Variants in PFKFB3 observed in about 807,000 individuals in gnomAD.
The protein encoded by PFKFB3 is 6-phosphofructo-2-kinase/fructose-2,6-biphosphatase 3.
PFKFB3 carries 33 observed loss-of-function variants against 68.0 expected under a neutral mutation model. The observed-to-expected ratio is 0.49, with a 90% CI of 0.37 to 0.65. The LOEUF (loss-of-function observed/expected upper bound fraction) is 0.65, where lower values mean the gene tolerates loss of function less well. PFKFB3 is among the 30% of genes least tolerant of loss of function. The pLI is 0.00. For missense variants in PFKFB3, 586 were observed against 712.2 expected (o/e 0.82, Z 2.02); for synonymous variants, 315 against 288.2 (o/e 1.09, Z -0.94).
chr10:6,146,632 T>C, intron 1 of PFKFB3: 2 of 855,276 alleles, frequency 2.3e-6, no homozygotes, highest in Non-Finnish European at 3.6e-6. Context: ...CGATGTAGGC[T>C]CTGGTTGGGA....
chr10:6,313,333 T>G, the PFKFB3 span, among the ~76,000 whole-genome samples: 26 of 152,358 alleles, frequency 1.7e-4, no homozygotes, highest in Non-Finnish European at 3.7e-4. This position sits in a 1 kb window ranked among gnomAD's most constrained non-coding sequence, Gnocchi z 4.2. Context: ...TGGCTGTTAC[T>G]ATCATTCATT....
At chr10:6,185,470 C>T (rs1037624042) in intron 1 of PFKFB3, among the ~76,000 whole-genome samples, 10 of 152,126 alleles carry the variant, frequency 6.6e-5, no homozygotes, top group African/African-American at 1.4e-4. Context: ...ACTGCGGGGG[C>T]GAGGAGACGG....
At chr10:6,275,930 C>T in the PFKFB3 span, among the ~76,000 whole-genome samples, 5 of 152,152 alleles carry the variant, frequency 3.3e-5, no homozygotes, top group Admixed American at 6.5e-5. The surrounding 1 kb of genome is among the most constrained non-coding windows in gnomAD (Gnocchi z 4.9). Flanking sequence ...CCCACCCATT[C>T]GGAGACAGGC....
intron 13 of PFKFB3, among the ~76,000 whole-genome samples, chr10:6,224,900 C>T (rs1315456557): frequency 2.6e-5 from 4 of 151,878 alleles, no homozygotes; most frequent in East Asian, 1.9e-4. Flanking sequence ...AGCAGGTCAG[C>T]GCCGCCATGT....
chr10:6,202,974 G>A lies in PFKFB3; in HGVS notation c.-287G>A, dbSNP rs886221622. ...GGCGAGCAGCAGGGCCTGGTGGCGA[G>A]AGCGCGGCTGTCACTGCGCCCGAGC... On this transcript the variant is annotated 5_prime_UTR_variant, in exon 1 of 15. Coordinates refer to ENST00000379775, the MANE Select transcript of PFKFB3 (RefSeq NM_004566.4). 16 of 1,297,890 alleles carry A rather than the reference G, an allele frequency of 1.2e-5. No homozygotes were observed. The African/African-American group carries it at 2.0e-4, about 17-fold the overall frequency. 80.4% of individuals were successfully genotyped at this position (1,297,890 alleles called of 1,614,324 possible). A position where few individuals can be genotyped will look rare whatever the true frequency, so the allele number is the denominator to read the frequency against.
chr10:6,258,279 G>C (rs1846510193), downstream of PFKFB3, among the ~76,000 whole-genome samples: 1 of 152,212 alleles, frequency 6.6e-6, no homozygotes, highest in Non-Finnish European at 1.5e-5. Context: ...CTATAAGAGA[G>C]TTTCAGATTG....
At position 6,203,191 on chromosome 10, in the gene PFKFB3, C is replaced by T; in HGVS notation, c.-70C>T. 2 of 1,566,766 alleles carry T rather than the reference C, an allele frequency of 1.3e-6. No homozygotes were observed. The highest frequency in any genetic ancestry group is 2.4e-5 in the East Asian group (1 of 42,156). Reference sequence around the variant, plus strand: ...CCCTCTCCTCCTTTGTTCCGGGGGTCGGCGGCCGCTCTCCTGCCAGCGTCG... The same window carrying T: ...CCCTCTCCTCCTTTGTTCCGGGGGTTGGCGGCCGCTCTCCTGCCAGCGTCG... On this transcript the variant is annotated 5_prime_UTR_variant, in exon 1 of 15. Coordinates refer to ENST00000379775, the MANE Select transcript of PFKFB3 (RefSeq NM_004566.4).
Position 6,222,964 on chromosome 10 carries a change from A to G in PFKFB3, c.1193A>G (p.Tyr398Cys). ...HQAVLRCLLA[Y>C]FLDKSAEEMP... ...GCCGTCCTGCGCTGCCTGCTTGCCT[A>G]CTTCCTGGATAAGAGTGCAGGTACC... The change falls in exon 11 of 15, where the codon TAC becomes TGC. Residue 398 changes from tyrosine (Y) to cysteine (C), a missense_variant. Transcript: ENST00000379775. 1.2e-6 allele frequency: 2 copies of G among 1,613,472 alleles called. No individual in the cohort carries two copies. Among genetic ancestry groups the G allele is most frequent in the African/African-American group, 1.3e-5 (1 of 74,976 alleles).
chr10:6,229,186 G>T lies in PFKFB3; in HGVS notation c.1515+2821G>T. 2.1e-6 allele frequency: 1 copy of T among 478,742 alleles called. No individual in the cohort carries two copies. Among genetic ancestry groups the T allele is most frequent in the Middle Eastern group, 3.3e-4 (1 of 3,038 alleles). The allele number at this position is 478,742 out of a possible 1,614,324, so 29.7% of individuals were successfully genotyped here. On this transcript the variant is annotated intron_variant, in intron 14 of 14. Transcript: ENST00000379775. The surrounding 1 kb of genome is among the most constrained non-coding windows in gnomAD (Gnocchi z 4.3). ...TGGCTTTGGAAATGGGAGAGGTTTG[G>T]CATGGCGCTCAGATTTTGGTGGCAA...
intron 1 of PFKFB3, among the ~76,000 whole-genome samples, chr10:6,168,249 T>A (rs1361330604): frequency 2.0e-5 from 3 of 152,188 alleles, no homozygotes; most frequent in African/African-American, 7.2e-5. Context: ...TGCTCCCACT[T>A]GCTGAGCGAG....
rs1465406185 is a variant in PFKFB3 at position 6,221,687 on chromosome 10, C to T, written c.1025C>T (p.Pro342Leu). 1.2e-6 allele frequency: 2 copies of T among 1,610,904 alleles called. No homozygotes were observed. The highest frequency in any genetic ancestry group is 8.5e-7 in the Non-Finnish European group (1 of 1,178,996). Residue 342 changes from proline (P) to leucine (L), a missense_variant, in exon 10 of 15, where the codon CCT becomes CTT. By Grantham distance (98) the Pro-to-Leu change is moderately conservative. Transcript: ENST00000379775. Reference sequence around the variant, plus strand: ...TACGAGGAGATCAGGGACACCTACCCTGAGGAGTATGCGCTGCGGGAGCAG... The same window carrying T: ...TACGAGGAGATCAGGGACACCTACCTTGAGGAGTATGCGCTGCGGGAGCAG... The part of the protein sequence containing the change: ...LTYEEIRDTY[P>L]EEYALREQDK...
chr10:6,206,813 GC>G (rs1843767209), intron 1 of PFKFB3, among the ~76,000 whole-genome samples: 1 of 44,198 alleles, frequency 2.3e-5, no homozygotes, highest in Non-Finnish European at 5.1e-5. Flanking sequence ...GGGCGGCCGG[GC>G]AGAGACGCTC....
At chr10:6,303,702 C>T in the PFKFB3 span, among the ~76,000 whole-genome samples, 8 of 148,692 alleles carry the variant, frequency 5.4e-5, no homozygotes, top group East Asian at 2.0e-4. Flanking sequence ...CGGGAGGCTG[C>T]GGCAGGAGAA....
chr10:6,296,648 A>G, the PFKFB3 span, among the ~76,000 whole-genome samples: 2 of 152,226 alleles, frequency 1.3e-5, no homozygotes, highest in African/African-American at 4.8e-5. Flanking sequence ...TTTTTAGACC[A>G]TATAGGGTAA....
intron 1 of PFKFB3, among the ~76,000 whole-genome samples, chr10:6,175,335 G>A (rs1842431748): frequency 6.6e-6 from 1 of 152,146 alleles, no homozygotes; most frequent in Admixed American, 6.5e-5. Flanking sequence ...GCACTTTCAG[G>A]TACACAGAGT....
At chr10:6,157,387 C>T (rs559127997) in intron 1 of PFKFB3, among the ~76,000 whole-genome samples, 1,629 of 151,976 alleles carry the variant, frequency 0.011, 67 homozygotes, top group East Asian at 0.099. Flanking sequence ...CCGCCCCGCC[C>T]AGCTAATTTT....
the PFKFB3 span, among the ~76,000 whole-genome samples, chr10:6,317,557 G>A: frequency 1.3e-5 from 2 of 152,192 alleles, no homozygotes. Context: ...GTATGCATTT[G>A]TAGAGAGTTA....
chr10:6,177,491 T>TTTCTTTCTTTCTTTCTTTC (rs1400936250), intron 1 of PFKFB3, among the ~76,000 whole-genome samples: 1 of 142,446 alleles, frequency 7.0e-6, no homozygotes, highest in African/African-American at 2.6e-5. Context: ...TTTCTTTTTC[T>TTTCTTTCTTTCTTTCTTTC]TTTCTTTCTC....
chr10:6,281,166 C>CTTATATAT, the PFKFB3 span, among the ~76,000 whole-genome samples: 1 of 84,510 alleles, frequency 1.2e-5, no homozygotes, highest in Non-Finnish European at 2.8e-5. Flanking sequence ...AGTATTCCAT[C>CTTATATAT]ATATATATAT....
Sources: gnomAD v4.1 joint callset for allele counts (sites outside exome capture counted in the v4.1 genomes callset) on GRCh38, gnomAD v4.1.1 for gene constraint, Gnocchi (gnomAD v3.1) non-coding constraint, MANE v1.5 for transcripts, NCBI Gene and HGNC (gene_info 2026-07-23, HGNC 2026-07-21) for gene names.